The following DLGAP2 variants were observed in gnomAD, a reference collection of about 807,000 sequenced individuals.
DLGAP2 encodes the protein DLG associated protein 2.
DLGAP2 carries 26 observed loss-of-function variants against 100.3 expected under a neutral mutation model. The observed-to-expected ratio is 0.26, with a 90% confidence interval of 0.19 to 0.36. DLGAP2 has a LOEUF of 0.36. Among genes scored for constraint, DLGAP2 ranks in the 10% least tolerant of loss-of-function variants. The pLI, the probability that DLGAP2 is intolerant of heterozygous loss-of-function variation, is 1.00. For missense variants in DLGAP2, 1,858 were observed against 1,453.2 expected (o/e 1.28, Z -4.53); for synonymous variants, 886 against 630.1 (o/e 1.41, Z -6.08).
intron 6 of DLGAP2, among the ~76,000 whole-genome samples, chr8:1,592,676 A>G (rs1310357968): frequency 6.6e-6 from 1 of 152,116 alleles, no homozygotes; most frequent in Non-Finnish European, 1.5e-5. Context: ...ATTTTTCTGT[A>G]GTTCCATTTA....
chr8:1,175,582 G>T (rs1797235191), intron 2 of DLGAP2, among the ~76,000 whole-genome samples: 1 of 152,320 alleles, frequency 6.6e-6, no homozygotes, highest in South Asian at 2.1e-4. Flanking sequence ...CATTAGGACA[G>T]TAGGAACATG....
intron 3 of DLGAP2, among the ~76,000 whole-genome samples, chr8:1,302,845 C>T (rs962625556): frequency 1.3e-5 from 2 of 152,272 alleles, no homozygotes; most frequent in South Asian, 2.1e-4. Flanking sequence ...CCGCTGGAGT[C>T]GATTCTTTCC....
At chr8:1,184,111 A>G (rs1188212771) in intron 2 of DLGAP2, among the ~76,000 whole-genome samples, 2 of 152,190 alleles carry the variant, frequency 1.3e-5, no homozygotes, top group East Asian at 1.9e-4. Context: ...GCGTGTTTGC[A>G]TTGTGTTTAA....
intron 2 of DLGAP2, among the ~76,000 whole-genome samples, chr8:1,216,817 A>T (rs546147753): frequency 6.6e-6 from 1 of 152,258 alleles, no homozygotes; most frequent in East Asian, 1.9e-4. Context: ...GTAGTAACCT[A>T]ATCAGGGAAT....
At chr8:1,065,565 G>C (rs952525165) in intron 2 of DLGAP2, among the ~76,000 whole-genome samples, 20 of 152,166 alleles carry the variant, frequency 1.3e-4, no homozygotes, top group Non-Finnish European at 1.9e-4. Context: ...GTAAAATGTG[G>C]CTCTGTGCCT....
intron 3 of DLGAP2, among the ~76,000 whole-genome samples, chr8:1,471,382 G>A (rs145132005): frequency 1.5e-4 from 19 of 129,118 alleles, no homozygotes; most frequent in East Asian, 8.9e-4. Context: ...AGCCTTTCCC[G>A]CCAGCTGCTG....
rs1054425425 is a variant in DLGAP2 at position 1,697,405 on chromosome 8, G to T, written c.2949+106G>T. On this transcript the variant is annotated intron_variant, in intron 14 of 14. Transcript: ENST00000637795. Reference sequence around the variant, plus strand: ...CAACGGGGTTCTCAGTCTTTTGCTGGCAACACACGAGCAAATTTCCCTCTA... The same window carrying T: ...CAACGGGGTTCTCAGTCTTTTGCTGTCAACACACGAGCAAATTTCCCTCTA... 6 of 1,463,394 alleles carry T rather than the reference G, an allele frequency of 4.1e-6. No individual in the cohort carries two copies. In the Admixed American group the frequency reaches 1.4e-4, roughly 34 times the overall value. The allele number at this position is 1,463,394 out of a possible 1,614,324, so 90.7% of individuals were successfully genotyped here.
chr8:1,342,971 C>G (rs762600273), intron 3 of DLGAP2, among the ~76,000 whole-genome samples: 2 of 152,296 alleles, frequency 1.3e-5, no homozygotes, highest in South Asian at 2.1e-4. Flanking sequence ...GGCACATGGT[C>G]GTGCATGGGT....
intron 2 of DLGAP2, among the ~76,000 whole-genome samples, chr8:1,181,524 T>G (rs1797387565): frequency 6.6e-6 from 1 of 151,760 alleles, no homozygotes; most frequent in Admixed American, 6.6e-5. Flanking sequence ...AGGGACAACA[T>G]ACACAGTGGG....
chr8:1,314,604 T>C (rs946479674), intron 3 of DLGAP2, among the ~76,000 whole-genome samples: 2 of 152,192 alleles, frequency 1.3e-5, no homozygotes, highest in African/African-American at 2.4e-5. Context: ...AGGTGTGCAT[T>C]AGATTGAGGG....
chr8:1,095,342 C>A (rs564381526), intron 2 of DLGAP2, among the ~76,000 whole-genome samples: 4 of 152,178 alleles, frequency 2.6e-5, no homozygotes, highest in Non-Finnish European at 2.9e-5. Flanking sequence ...CCTCTGCAGA[C>A]CCTGGACACG....
intron 3 of DLGAP2, among the ~76,000 whole-genome samples, chr8:1,289,972 T>TA (rs1198377706): frequency 3.3e-5 from 5 of 152,154 alleles, no homozygotes; most frequent in Admixed American, 1.3e-4. Context: ...GGGGATAAGA[T>TA]ATAGGCAGAA....
chr8:1,390,312 G>A (rs536215992), intron 3 of DLGAP2, among the ~76,000 whole-genome samples: 1 of 152,258 alleles, frequency 6.6e-6, no homozygotes, highest in South Asian at 2.1e-4. Context: ...TGGTGTGCTT[G>A]TATCTTTACA....
intron 2 of DLGAP2, among the ~76,000 whole-genome samples, chr8:1,211,989 A>G (rs975109272): frequency 6.6e-6 from 1 of 152,250 alleles, no homozygotes; most frequent in Non-Finnish European, 1.5e-5. Context: ...CGCTGTGGAA[A>G]CACAAGGCTC....
chr8:1,040,137 G>A (rs1802286238), intron 2 of DLGAP2, among the ~76,000 whole-genome samples: 2 of 146,110 alleles, frequency 1.4e-5, no homozygotes, highest in African/African-American at 5.1e-5. Context: ...TGCGTGGTCA[G>A]CTCGCTGCAC....
intron 6 of DLGAP2, among the ~76,000 whole-genome samples, chr8:1,601,945 G>GATGTGT (rs1554506576): frequency 0.015 from 2,148 of 146,424 alleles, 26 homozygotes; most frequent in South Asian, 0.036. Context: ...AATTTAACAG[G>GATGTGT]GTGTGTGTGT....
intron 3 of DLGAP2, among the ~76,000 whole-genome samples, chr8:1,382,034 T>C (rs1456065540): frequency 1.3e-5 from 2 of 152,096 alleles, no homozygotes; most frequent in Non-Finnish European, 2.9e-5. Flanking sequence ...AAGCAGGGCT[T>C]AGTGGTAGCA....
chr8:964,447 A>G (rs376233297), intron 2 of DLGAP2, among the ~76,000 whole-genome samples: 3 of 152,392 alleles, frequency 2.0e-5, no homozygotes, highest in African/African-American at 7.2e-5. Context: ...CAGAGGACCC[A>G]GCCTTTTATT....
rs140002733 is a variant in DLGAP2, at chr8:1,633,226, A to G, written c.1810+180A>G. Among the ~76,000 whole-genome samples the G allele has an allele frequency of 4.2e-3, 637 of 152,298 alleles. 2 individuals are homozygous for G. The highest frequency in any genetic ancestry group is 0.015 in the African/African-American group (609 of 41,552). On this transcript the variant is annotated intron_variant, in intron 8 of 14. Transcript: ENST00000637795. Reference sequence around the variant, plus strand: ...CGCAAGGGTGTTTTGTCTCTTGTAGATAACCTTTCTTTTTCTTAGAATGAA... The same window carrying G: ...CGCAAGGGTGTTTTGTCTCTTGTAGGTAACCTTTCTTTTTCTTAGAATGAA...
Sources: gnomAD v4.1 joint callset for allele counts (sites outside exome capture counted in the v4.1 genomes callset) on GRCh38, gnomAD v4.1.1 for gene constraint, MANE v1.5 for transcripts, NCBI Gene and HGNC (gene_info 2026-07-23, HGNC 2026-07-21) for gene names.